PSD3: variants seen among roughly 807,000 people sequenced by gnomAD.
The protein encoded by PSD3 is PH and SEC7 domain-containing protein 3.
Under a neutral mutation model 105.5 loss-of-function variants are expected in PSD3, and 49 were observed. The observed-to-expected ratio is 0.46, with a 90% confidence interval of 0.37 to 0.59. PSD3 has a LOEUF of 0.59. Among genes scored for constraint, PSD3 ranks in the 20% least tolerant of loss-of-function variants. The probability of loss-of-function intolerance (pLI) is 0.00; values close to 1 mark genes in which losing one functional copy is unlikely to be tolerated. For missense variants in PSD3, 1,561 were observed against 1,263.8 expected (o/e 1.24, Z -3.57); for synonymous variants, 557 against 457.8 (o/e 1.22, Z -2.77).
intron 2 of PSD3, among the ~76,000 whole-genome samples, chr8:18,912,296 C>G (rs1820276715): frequency 6.6e-6 from 1 of 152,170 alleles, no homozygotes; most frequent in African/African-American, 2.4e-5. Context: ...CGAAACAAAT[C>G]TGAAGGAAAT....
intron 1 of PSD3, among the ~76,000 whole-genome samples, chr8:19,003,914 C>A (rs938874809): frequency 1.3e-5 from 2 of 151,908 alleles, no homozygotes; most frequent in African/African-American, 4.8e-5. Context: ...GGGGCAACCA[C>A]TAAGGTCATC....
intron 13 of PSD3, among the ~76,000 whole-genome samples, chr8:18,572,952 T>C (rs1051453083): frequency 2.6e-5 from 4 of 152,154 alleles, no homozygotes; most frequent in Non-Finnish European, 4.4e-5. Flanking sequence ...ACCCCTACTT[T>C]CTGTTTGATA....
At chr8:18,620,816 A>G (rs1806060122) in intron 11 of PSD3, among the ~76,000 whole-genome samples, 1 of 152,240 alleles carries the variant, frequency 6.6e-6, no homozygotes, top group African/African-American at 2.4e-5. Context: ...TAATTCCTTT[A>G]GGAAACTAGT....
chr8:18,776,527 G>T (rs1301269429), intron 8 of PSD3, among the ~76,000 whole-genome samples: 1 of 151,710 alleles, frequency 6.6e-6, no homozygotes, highest in African/African-American at 2.4e-5. Context: ...GGGACTACAG[G>T]CCACCACACC....
intron 10 of PSD3, among the ~76,000 whole-genome samples, chr8:18,651,359 T>A (rs1452971486): frequency 6.6e-6 from 1 of 152,236 alleles, no homozygotes; most frequent in Non-Finnish European, 1.5e-5. Context: ...GGTTCTAACA[T>A]CCACATCAAG....
intron 12 of PSD3, among the ~76,000 whole-genome samples, chr8:18,580,204 C>T (rs779963716): frequency 1.3e-5 from 2 of 152,042 alleles, no homozygotes; most frequent in African/African-American, 2.4e-5. Flanking sequence ...GAAATAAAAA[C>T]GCCATGAGCT....
chr8:18,815,103 T>C (rs180875068), intron 4 of PSD3, among the ~76,000 whole-genome samples: 12 of 152,294 alleles, frequency 7.9e-5, no homozygotes, highest in Non-Finnish European at 1.5e-4. Context: ...ATACTCTCCT[T>C]TCTTGATTAG....
At chr8:18,599,872 C>T (rs1033116441) in intron 12 of PSD3, among the ~76,000 whole-genome samples, 3 of 152,128 alleles carry the variant, frequency 2.0e-5, no homozygotes, top group Admixed American at 2.0e-4. Context: ...TTCTCCTATA[C>T]ATACATACCT....
chr8:18,651,779 G>A (rs1252952580), intron 10 of PSD3, among the ~76,000 whole-genome samples: 3 of 152,306 alleles, frequency 2.0e-5, no homozygotes, highest in East Asian at 3.9e-4. Context: ...TGTGAAGGAT[G>A]ATAGGCTTTG....
chr8:18,581,627 C>T (rs1028658481), intron 12 of PSD3, among the ~76,000 whole-genome samples: 6 of 152,096 alleles, frequency 3.9e-5, no homozygotes, highest in African/African-American at 1.4e-4. Context: ...TTCCATTCAC[C>T]CTGTGTTTTC....
rs553092066 is a variant in PSD3, at chr8:19,002,741, A to C, written c.21+10822T>G. On this transcript the variant is annotated intron_variant, in intron 1 of 15. Transcript: ENST00000327040. ...AAATAATGACAAGAAACAGATGTCC[A>C]TACATGTTCAGACACAACATTCTTC... is the stretch of plus-strand genomic sequence containing the variant. Among the ~76,000 whole-genome samples the C allele has an allele frequency of 2.0e-5, 3 of 152,210 alleles. No homozygotes were observed. The South Asian group carries it at 6.3e-4, about 32-fold the overall frequency.
intron 1 of PSD3, among the ~76,000 whole-genome samples, chr8:19,073,446 G>A (rs1405923375): frequency 2.0e-5 from 3 of 150,980 alleles, no homozygotes; most frequent in Non-Finnish European, 4.4e-5. Flanking sequence ...AGCTACTTGG[G>A]AGGCTGAGGA....
At chr8:18,730,924 C>A (rs1776854916) in intron 9 of PSD3, among the ~76,000 whole-genome samples, 1 of 152,010 alleles carries the variant, frequency 6.6e-6, no homozygotes, top group South Asian at 2.1e-4. Context: ...ATCACATGTA[C>A]CTAGCTAAGG....
intron 1 of PSD3, among the ~76,000 whole-genome samples, chr8:19,047,180 A>G (rs989742061): frequency 6.6e-6 from 1 of 152,140 alleles, no homozygotes; most frequent in African/African-American, 2.4e-5. Context: ...ATTCAGTGCC[A>G]CTCAGCTGTT....
intron 2 of PSD3, among the ~76,000 whole-genome samples, chr8:18,889,585 A>C (rs2129459450): frequency 6.6e-6 from 1 of 152,170 alleles, no homozygotes; most frequent in Middle Eastern, 3.4e-3. Context: ...TTCTGAAAAA[A>C]CAAACAAACA....
intron 1 of PSD3, among the ~76,000 whole-genome samples, chr8:19,042,392 G>A (rs1405677583): frequency 4.6e-5 from 7 of 152,138 alleles, no homozygotes; most frequent in African/African-American, 1.4e-4. Context: ...TCAGGCACAC[G>A]TTTCAAACCA....
At position 18,676,896 on chromosome 8, in the gene PSD3, G is replaced by A. The variant is rs114687363; in HGVS notation, c.2173-21211C>T. On this transcript the variant is annotated intron_variant, in intron 9 of 15. Coordinates refer to ENST00000327040, the MANE Select transcript of PSD3 (RefSeq NM_015310.4). ...TTTGAAAGCCTCATCTGGGAAATCT[G>A]CTCGGCTCCATGTTAATTTCCATTA... is the stretch of plus-strand genomic sequence containing the variant. 8.3e-3 allele frequency among the ~76,000 whole-genome samples: 1,265 copies of A among 152,316 alleles called. 17 individuals are homozygous for A. Among genetic ancestry groups the A allele is most frequent in the African/African-American group, 0.03 (1,233 of 41,574 alleles).
intron 1 of PSD3, among the ~76,000 whole-genome samples, chr8:18,964,281 G>T (rs1166506143): frequency 2.0e-5 from 3 of 152,018 alleles, no homozygotes; most frequent in Non-Finnish European, 4.4e-5. Flanking sequence ...CACCATGCCT[G>T]GCTAATTGTT....
At chr8:18,863,628 A>ATGT (rs1368354740) in intron 4 of PSD3, among the ~76,000 whole-genome samples, 1 of 152,182 alleles carries the variant, frequency 6.6e-6, no homozygotes, top group Non-Finnish European at 1.5e-5. Context: ...AAACTTAATT[A>ATGT]TGTTTGTGAC....
Sources: gnomAD v4.1 joint callset for allele counts (sites outside exome capture counted in the v4.1 genomes callset) on GRCh38, gnomAD v4.1.1 for gene constraint, MANE v1.5 for transcripts, NCBI Gene and HGNC (gene_info 2026-07-23, HGNC 2026-07-21) for gene names.